Variants in RBPJ observed in about 807,000 individuals in gnomAD.
RBPJ encodes the protein recombination signal binding protein for immunoglobulin kappa J region, also known as recombining binding protein suppressor of hairless.
RBPJ carries 9 observed loss-of-function variants against 67.8 expected under a neutral mutation model. That is an observed-to-expected ratio of 0.13 (90% CI 0.08 to 0.23). The LOEUF (loss-of-function observed/expected upper bound fraction) is 0.23. Among genes scored for constraint, RBPJ ranks in the 10% least tolerant of loss-of-function variants. The probability of loss-of-function intolerance (pLI) is 1.00; values close to 1 mark genes in which losing one functional copy is unlikely to be tolerated. For missense variants in RBPJ, 305 were observed against 595.6 expected (o/e 0.51, Z 5.08); for synonymous variants, 198 against 203.3 (o/e 0.97, Z 0.22).
chr4:26,147,032 G>A, the RBPJ span, among the ~76,000 whole-genome samples: 8 of 152,312 alleles, frequency 5.3e-5, no homozygotes, highest in Non-Finnish European at 1.2e-4. Context: ...TGAGGTGGCC[G>A]CAGAAGGGAA....
rs760469930 is a variant in RBPJ at position 26,430,931 on chromosome 4, A to T, written c.1388A>T (p.Asn463Ile). The change falls in exon 11 of 11, where the codon AAC (asparagine) becomes ATC (isoleucine). Residue 463 changes from asparagine to isoleucine, a missense_variant. Around this residue, in one of 7 missense-constraint regions of RBPJ, gnomAD observed 51 missense variants for 52.8 expected, o/e 0.97. Transcript: ENST00000355476. The surrounding 1 kb of genome is among the most constrained non-coding windows in gnomAD (Gnocchi z 4.1). Reference protein sequence around the residue: ...SQVPPNESNTNSEGSYTNAST... With the variant: ...SQVPPNESNTISEGSYTNAST... The stretch of plus-strand genomic sequence containing the variant: ...GTGCCCCCTAACGAATCAAACACAA[A>T]CAGCGAGGGAAGTTACACAAACGCC... The T allele has an allele frequency of 1.5e-5, 24 of 1,613,994 alleles. No homozygotes were observed. Among genetic ancestry groups the T allele is most frequent in the African/African-American group, 5.3e-5 (4 of 74,910 alleles).
intron 1 of RBPJ, among the ~76,000 whole-genome samples, chr4:26,230,146 C>T (rs941584640): frequency 1.3e-5 from 2 of 150,858 alleles, no homozygotes; most frequent in Non-Finnish European, 2.9e-5. Flanking sequence ...GCCCAGATTG[C>T]ATCACTGCAC....
chr4:26,183,355 G>A (rs763353409), intron 1 of RBPJ, among the ~76,000 whole-genome samples: 3 of 152,174 alleles, frequency 2.0e-5, no homozygotes, highest in Non-Finnish European at 2.9e-5. Flanking sequence ...GCACATGACC[G>A]TACTCAATTC....
the RBPJ span, among the ~76,000 whole-genome samples, chr4:26,114,151 A>G: frequency 6.6e-6 from 1 of 152,178 alleles, no homozygotes; most frequent in African/African-American, 2.4e-5. Flanking sequence ...TAAAAGTTGA[A>G]TGACACAGAA....
At chr4:26,129,479 A>T in the RBPJ span, among the ~76,000 whole-genome samples, 4 of 152,336 alleles carry the variant, frequency 2.6e-5, no homozygotes, top group East Asian at 7.7e-4. Context: ...GCTGCAAGTC[A>T]AGAGTCCTGG....
intron 1 of RBPJ, among the ~76,000 whole-genome samples, chr4:26,369,801 C>CT (rs1416146653): frequency 1.3e-5 from 2 of 151,950 alleles, no homozygotes; most frequent in African/African-American, 4.8e-5. Context: ...TTTTCTTTCT[C>CT]TTTTTTTTCA....
chr4:26,380,289 T>C (rs1730181931), intron 1 of RBPJ, among the ~76,000 whole-genome samples: 1 of 152,266 alleles, frequency 6.6e-6, no homozygotes, highest in African/African-American at 2.4e-5. Context: ...TCTGTGAAGC[T>C]ACATCGTTGT....
intron 1 of RBPJ, among the ~76,000 whole-genome samples, chr4:26,212,798 C>T (rs1254161771): frequency 1.3e-5 from 2 of 152,142 alleles, no homozygotes; most frequent in East Asian, 1.9e-4. Context: ...TGAGATCATA[C>T]CTTTTTTGTC....
chr4:26,179,612 T>G (rs1380894875), intron 1 of RBPJ, among the ~76,000 whole-genome samples: 1 of 152,012 alleles, frequency 6.6e-6, no homozygotes, highest in African/African-American at 2.4e-5. Context: ...AAAACCACAA[T>G]GAGTTACCGT....
chr4:26,109,410 TCCTCTCTCTCTCTCCCTCTCTC>T, the RBPJ span, among the ~76,000 whole-genome samples: 1 of 76,400 alleles, frequency 1.3e-5, no homozygotes, highest in African/African-American at 4.7e-5. Context: ...CTGTCCACCT[TCCTCTCTCTCTCTCCCTCTCTC>T]TCTCTCTCTC....
chr4:26,376,831 G>A (rs766034189), intron 1 of RBPJ, among the ~76,000 whole-genome samples: 7 of 152,122 alleles, frequency 4.6e-5, no homozygotes, highest in Non-Finnish European at 8.8e-5. Context: ...TTAAATCAGA[G>A]CCATCCTAAT....
chr4:26,267,770 G>A (rs1304894669), intron 1 of RBPJ, among the ~76,000 whole-genome samples: 1 of 151,838 alleles, frequency 6.6e-6, no homozygotes, highest in Non-Finnish European at 1.5e-5. Context: ...ACCACACCTG[G>A]CTAATTTTTG....
chr4:26,286,067 A>AGTGCGCTATGATCGTGCCGCTGCG (rs55784224), intron 1 of RBPJ, among the ~76,000 whole-genome samples: 1 of 152,172 alleles, frequency 6.6e-6, no homozygotes, highest in Non-Finnish European at 1.5e-5. Flanking sequence ...GTGCCGCTGC[A>AGTGCGCTATGATCGTGCCGCTGCG]CTCCAGTCTG....
At chr4:26,121,305 G>A in the RBPJ span, among the ~76,000 whole-genome samples, 7 of 152,016 alleles carry the variant, frequency 4.6e-5, no homozygotes, top group South Asian at 4.1e-4. Flanking sequence ...GTGCTCCTGC[G>A]TGGGTTTCTC....
In RBPJ at chr4:26,372,108, C is replaced by T. The variant is rs1330677456; in HGVS notation, c.21-14245C>T. Among the ~76,000 whole-genome samples the T allele has an allele frequency of 2.0e-5, 3 of 152,140 alleles. No individual in the cohort carries two copies. In the East Asian group the frequency reaches 5.8e-4, roughly 29 times the overall value. On this transcript the variant is annotated intron_variant, in intron 1 of 10. Transcript: ENST00000355476. ...AGATGTATTTTGTCTATTGCTGTCT[C>T]GTTTACTTTGCTATATGAAGCCAGT...
Position 26,190,237 on chromosome 4 carries a change from T to C in RBPJ, c.-167+26623T>C, listed in dbSNP as rs534177212. 8.5e-5 allele frequency among the ~76,000 whole-genome samples: 13 copies of C among 152,336 alleles called. No individual in the cohort carries two copies. The South Asian group carries it at 2.1e-3, about 24-fold the overall frequency. On this transcript the variant is annotated intron_variant, in intron 1 of 4. Coordinates refer to the RBPJ transcript ENST00000512351. ...AAATCTTTTGAGAGCAGTGCTGGTT[T>C]AGAAGATGGTGCTGCCTTTCCATTC...
At chr4:26,140,069 C>G in the RBPJ span, among the ~76,000 whole-genome samples, 2 of 152,292 alleles carry the variant, frequency 1.3e-5, no homozygotes, top group African/African-American at 4.8e-5. Context: ...CTCTCTGGGC[C>G]TCCAGTTCCC....
In RBPJ at chr4:26,292,815, G is replaced by A. The variant is rs900733760; in HGVS notation, c.-166-69631G>A. On this transcript the variant is annotated intron_variant, in intron 1 of 4. Coordinates refer to the RBPJ transcript ENST00000512351. ...GTATATACATATATATATATATGGT[G>A]TGTTTATATATATATATGTGTATCA... 1.0e-4 allele frequency among the ~76,000 whole-genome samples: 15 copies of A among 150,536 alleles called. 1 individual carries two copies. The highest frequency in any genetic ancestry group is 3.7e-4 in the African/African-American group (15 of 40,976).
chr4:26,302,404 C>G (rs1208222996), intron 1 of RBPJ, among the ~76,000 whole-genome samples: 1 of 152,194 alleles, frequency 6.6e-6, no homozygotes, highest in Admixed American at 6.5e-5. Context: ...CAAGGAATTT[C>G]TATTTCCAAC....
Sources: gnomAD v4.1 joint callset for allele counts (sites outside exome capture counted in the v4.1 genomes callset) on GRCh38, gnomAD v4.1.1 for gene constraint, gnomAD v4.1.1 regional missense constraint, Gnocchi (gnomAD v3.1) non-coding constraint, MANE v1.5 for transcripts, NCBI Gene and HGNC (gene_info 2026-07-23, HGNC 2026-07-21) for gene names.